Variants in CLASP2 observed in about 807,000 individuals in gnomAD.
CLASP2 encodes the protein CLIP-associating protein 2.
Under a neutral mutation model 194.4 loss-of-function variants are expected in CLASP2, and 47 were observed. The ratio of observed to expected loss-of-function variants is 0.24; its 90% CI spans 0.19 to 0.31. CLASP2 has a LOEUF of 0.31. Ranked by LOEUF, CLASP2 falls within the 10% of genes least tolerant of loss-of-function variation. The pLI is 1.00. For missense variants in CLASP2, 1,445 were observed against 1,823.6 expected, an observed-to-expected ratio of 0.79 and a Z score of 3.78; for synonymous variants, 619 against 633.5, an observed-to-expected ratio of 0.98 and a Z score of 0.34.
At chr3:33,664,618 A>G (rs2154334492) in intron 6 of CLASP2, among the ~76,000 whole-genome samples, 1 of 152,196 alleles carries the variant, frequency 6.6e-6, no homozygotes, top group South Asian at 2.1e-4. Flanking sequence ...CCTTAACATC[A>G]CCTCCTACTT....
intron 1 of CLASP2, among the ~76,000 whole-genome samples, chr3:33,707,241 G>A (rs1157341950): frequency 6.6e-6 from 1 of 152,050 alleles, no homozygotes; most frequent in Admixed American, 6.6e-5. Context: ...ATATCAAAAA[G>A]GATAGTAACT....
chr3:33,572,219 C>T (rs1278378236), intron 25 of CLASP2, among the ~76,000 whole-genome samples: 1 of 152,164 alleles, frequency 6.6e-6, no homozygotes, highest in African/African-American at 2.4e-5. Flanking sequence ...ACTATGCCTA[C>T]TCCCTTGCCA....
rs1445387953 is a variant in CLASP2, at chr3:33,581,940, C to A, written c.2240-12G>T. On this transcript the variant is annotated splice_polypyrimidine_tract_variant and intron_variant, in intron 22 of 38. Transcript: ENST00000682230. Reference sequence around the variant, plus strand: ...ACGACTGCTTCGGGCTGGTGTGAAGCAACAGCAGCACACACAGTAAGGGAG... The same window carrying A: ...ACGACTGCTTCGGGCTGGTGTGAAGAAACAGCAGCACACACAGTAAGGGAG... 6.4e-7 allele frequency: 1 copy of A among 1,573,864 alleles called. No homozygotes were observed. Among genetic ancestry groups the A allele is most frequent in the East Asian group, 2.2e-5 (1 of 44,700 alleles).
intron 24 of CLASP2, among the ~76,000 whole-genome samples, chr3:33,575,293 T>G (rs2064615232): frequency 6.6e-6 from 1 of 152,188 alleles, no homozygotes; most frequent in Non-Finnish European, 1.5e-5. Context: ...ATTCAATAAA[T>G]TATAGCTATT....
intron 34 of CLASP2, among the ~76,000 whole-genome samples, chr3:33,529,525 T>C (rs1174100220): frequency 6.6e-6 from 1 of 152,116 alleles, no homozygotes; most frequent in African/African-American, 2.4e-5. Context: ...TGCAAATCTG[T>C]GAGCCATTTT....
intron 1 of CLASP2, among the ~76,000 whole-genome samples, chr3:33,703,343 A>C (rs1002294450): frequency 1.3e-5 from 2 of 152,260 alleles, no homozygotes; most frequent in Non-Finnish European, 2.9e-5. Flanking sequence ...ACAGCAAATA[A>C]GCACATGAAG....
chr3:33,708,551 T>C (rs1464403302), intron 1 of CLASP2, among the ~76,000 whole-genome samples: 2 of 144,714 alleles, frequency 1.4e-5, no homozygotes, highest in Admixed American at 7.0e-5. Flanking sequence ...TATGTATATA[T>C]ATATATATAT....
chr3:33,695,351 G>C (rs2091777520), intron 2 of CLASP2, among the ~76,000 whole-genome samples: 1 of 150,006 alleles, frequency 6.7e-6, no homozygotes, highest in Non-Finnish European at 1.5e-5. Context: ...GTGAGCCAGT[G>C]AGTCCATGGG....
rs557697750 is a variant in CLASP2, at chr3:33,514,208, G to A, written c.4110+1815C>T. On this transcript the variant is annotated intron_variant, in intron 36 of 38. Transcript: ENST00000682230. ...TTGCCATGTTGGTCAGGCTGGTCTCGAACTCCTGACCTCAAGTGATCCACC... is the reference window on the plus strand; with the variant it reads ...TTGCCATGTTGGTCAGGCTGGTCTCAAACTCCTGACCTCAAGTGATCCACC... Among the ~76,000 whole-genome samples the A allele has an allele frequency of 3.3e-5, 5 of 152,094 alleles. No individual in the cohort carries two copies. The East Asian group carries it at 7.7e-4, about 24-fold the overall frequency.
intron 23 of CLASP2, among the ~76,000 whole-genome samples, chr3:33,580,618 G>C (rs1276095965): frequency 6.6e-6 from 1 of 151,990 alleles, no homozygotes; most frequent in Non-Finnish European, 1.5e-5. Context: ...ATGTATCTGA[G>C]GAAATAAGAA....
chr3:33,637,151 A>G (rs2080302839), intron 8 of CLASP2, among the ~76,000 whole-genome samples: 1 of 152,218 alleles, frequency 6.6e-6, no homozygotes, highest in African/African-American at 2.4e-5. Context: ...TACAGAACAC[A>G]AGACAATCTT....
intron 10 of CLASP2, among the ~76,000 whole-genome samples, chr3:33,626,674 A>G (rs1247029267): frequency 6.6e-6 from 1 of 152,176 alleles, no homozygotes; most frequent in Non-Finnish European, 1.5e-5. Context: ...AGTGCTAATA[A>G]GCAACTATAT....
intron 8 of CLASP2, 191 bp downstream of exon 8, chr3:33,644,566 G>A (rs1361838360): frequency 1.6e-6 from 1 of 643,188 alleles, no homozygotes; most frequent in Non-Finnish European, 2.8e-6. Context: ...TACATTCTTA[G>A]AGGAAATAGC....
At chr3:33,681,914 T>C (rs2089917840) in intron 6 of CLASP2, among the ~76,000 whole-genome samples, 1 of 152,154 alleles carries the variant, frequency 6.6e-6, no homozygotes, top group African/African-American at 2.4e-5. Flanking sequence ...TCTCCCTAGG[T>C]TAGTTCCTAG....
intron 37 of CLASP2, among the ~76,000 whole-genome samples, 182 bp downstream of exon 37, chr3:33,510,376 T>G (rs995548898): frequency 6.6e-6 from 1 of 152,244 alleles, no homozygotes; most frequent in Non-Finnish European, 1.5e-5. Flanking sequence ...TTTTATGTTA[T>G]GTAAATTTTA....
chr3:33,669,898 T>C (rs1048422611), intron 6 of CLASP2, among the ~76,000 whole-genome samples: 1 of 152,154 alleles, frequency 6.6e-6, no homozygotes, highest in Admixed American at 6.5e-5. Flanking sequence ...TTAGTATGTA[T>C]ACCACAAAGC....
At chr3:33,597,482 A>C (rs2070747489) in intron 18 of CLASP2, among the ~76,000 whole-genome samples, 1 of 152,158 alleles carries the variant, frequency 6.6e-6, no homozygotes, top group African/African-American at 2.4e-5. Context: ...GTGTGTGCAG[A>C]AGTTGTGGGG....
chr3:33,619,379 C>CA lies in CLASP2; in HGVS notation c.1317+223dup, dbSNP rs1334326956. 2.6e-5 allele frequency among the ~76,000 whole-genome samples: 4 copies of CA among 152,026 alleles called. No individual in the cohort carries two copies. In the East Asian group the frequency reaches 7.7e-4, roughly 29 times the overall value. On this transcript the variant is annotated intron_variant, in intron 12 of 38. Coordinates refer to ENST00000682230, the MANE Select transcript of CLASP2 (RefSeq NM_001365631.1). ...GTATGTATGTATTTTATTCCATATACAAACATGTTTACTTTGCAATCCTCT... is the reference window on the plus strand; with the variant it reads ...GTATGTATGTATTTTATTCCATATACAAAACATGTTTACTTTGCAATCCTCT...
intron 6 of CLASP2, among the ~76,000 whole-genome samples, chr3:33,675,593 TA>T (rs1453082844): frequency 6.7e-6 from 1 of 148,836 alleles, no homozygotes; most frequent in Non-Finnish European, 1.5e-5. Context: ...CCAGGGCAAT[TA>T]GGCAGGAGAA....
Sources: gnomAD v4.1 joint callset for allele counts (sites outside exome capture counted in the v4.1 genomes callset) on GRCh38, gnomAD v4.1.1 for gene constraint, MANE v1.5 for transcripts, NCBI Gene and HGNC (gene_info 2026-07-23, HGNC 2026-07-21) for gene names.